The following SHROOM4 variants were observed in gnomAD, a reference collection of about 807,000 sequenced individuals.
The protein encoded by SHROOM4 is shroom family member 4.
SHROOM4 carries 17 observed loss-of-function variants against 80.3 expected under a neutral mutation model. The ratio of observed to expected loss-of-function variants is 0.21; its 90% confidence interval spans 0.14 to 0.32. SHROOM4 has a LOEUF of 0.32. Ranked by LOEUF, SHROOM4 falls within the 10% of genes least tolerant of loss-of-function variation. The pLI is 1.00. For synonymous variants in SHROOM4, 400 were observed against 437.5 expected, an observed-to-expected ratio of 0.91 and a Z score of 1.07; for missense variants, 993 against 1,140.3, an observed-to-expected ratio of 0.87 and a Z score of 1.86.
At chrX:50,620,175 T>C (rs1388460234) in intron 5 of SHROOM4, among the ~76,000 whole-genome samples, 1 of 112,225 alleles carries the variant, frequency 8.9e-6, no homozygotes, top group Non-Finnish European at 1.9e-5. Flanking sequence ...CAACTTGACA[T>C]GTACCTAAAG....
intron 5 of SHROOM4, among the ~76,000 whole-genome samples, chrX:50,609,414 G>T (rs1043775731): frequency 1.5e-4 from 17 of 110,723 alleles, no homozygotes; most frequent in Non-Finnish European, 2.5e-4. Flanking sequence ...TGGGGAAGGG[G>T]GTAAGTAAGG....
rs782246086 is a variant in SHROOM4 at position 50,593,715 on chromosome X, G to T, written c.*2980C>A. On this transcript the variant is annotated 3_prime_UTR_variant, in exon 9 of 9. Coordinates refer to ENST00000376020, the MANE Select transcript of SHROOM4 (RefSeq NM_020717.5). ...TGTCAGGGAGGGTCGGGTTCAGGAT[G>T]TGGCTCTGGTGTGCCTGGGCAGCTT... 7 of 112,622 alleles carry T rather than the reference G, an allele frequency of 6.2e-5. No homozygotes were observed. Among genetic ancestry groups the T allele is most frequent in the Admixed American group, 1.9e-4 (2 of 10,679 alleles). The allele number at this position is 112,622 out of a possible 1,213,427, so 9.3% of individuals were successfully genotyped here. A position where few individuals can be genotyped will look rare whatever the true frequency, so the allele number is the denominator to read the frequency against.
At position 50,598,263 on chromosome X, in the gene SHROOM4, T is replaced by C. The variant is rs781910213; in HGVS notation, c.4212+3A>G. ...ACCCACACCCCACAGACCCCAACTC[T>C]ACCTTCTCCTGGTTGGCCTCTGAAT... On this transcript the variant is annotated splice_donor_region_variant and intron_variant, in intron 8 of 8. Coordinates refer to ENST00000376020, the MANE Select transcript of SHROOM4 (RefSeq NM_020717.5). The C allele has an allele frequency of 8.3e-7, 1 of 1,209,219 alleles. No individual in the cohort carries two copies. The highest frequency in any genetic ancestry group is 1.1e-6 in the Non-Finnish European group (1 of 895,090).
intron 1 of SHROOM4, among the ~76,000 whole-genome samples, chrX:50,787,045 T>C (rs782719509): frequency 8.2e-5 from 9 of 109,777 alleles, no homozygotes; most frequent in African/African-American, 2.7e-4. Flanking sequence ...AGTAAGACCT[T>C]GTCTCTACAG....
intron 1 of SHROOM4, among the ~76,000 whole-genome samples, chrX:50,743,724 T>G (rs1439872247): frequency 1.8e-5 from 2 of 111,984 alleles, no homozygotes; most frequent in Non-Finnish European, 3.8e-5. Flanking sequence ...CCCAAAGTGC[T>G]GGGATTACAG....
chrX:50,582,375 G>A (rs1928682771), downstream of SHROOM4, among the ~76,000 whole-genome samples: 1 of 111,741 alleles, frequency 8.9e-6, no homozygotes, highest in African/African-American at 3.3e-5. Context: ...GTCATTTTAA[G>A]CCATTCAGTT....
intron 2 of SHROOM4, among the ~76,000 whole-genome samples, chrX:50,693,223 A>AAAAATGGACAGGGATGTAGGAAAAT (rs1933268244): frequency 9.0e-6 from 1 of 111,245 alleles, no homozygotes; most frequent in African/African-American, 3.3e-5. Context: ...CTGGTTTTTA[A>AAAAATGGACAGGGATGTAGGAAAAT]AAAATGGACA....
chrX:50,760,810 T>A (rs1191838150), intron 1 of SHROOM4, among the ~76,000 whole-genome samples: 1 of 111,732 alleles, frequency 8.9e-6, no homozygotes, highest in African/African-American at 3.3e-5. Flanking sequence ...TAGACCTCAG[T>A]TTTTTTATCC....
At chrX:50,737,314 T>G (rs1476641921) in intron 1 of SHROOM4, among the ~76,000 whole-genome samples, 1 of 110,683 alleles carries the variant, frequency 9.0e-6, no homozygotes, top group Non-Finnish European at 1.9e-5. Context: ...AACAAAGTAG[T>G]CATGACACAT....
chrX:50,602,250 C>T (rs1557247781), intron 7 of SHROOM4, among the ~76,000 whole-genome samples: 1 of 110,027 alleles, frequency 9.1e-6, no homozygotes, highest in Non-Finnish European at 1.9e-5. Flanking sequence ...CACCACCACG[C>T]CTGGCTAATT....
chrX:50,638,401 G>A lies in SHROOM4; in HGVS notation c.270-93C>T, dbSNP rs1447764284. On this transcript the variant is annotated intron_variant, in intron 2 of 8. Coordinates refer to ENST00000376020, the MANE Select transcript of SHROOM4 (RefSeq NM_020717.5). ...CCGCCCCACCCCCTCTTTTCCTTCA[G>A]TAAAGTAGAACATCTTGCAAGGAAC... The A allele has an allele frequency of 2.8e-6, 3 of 1,085,796 alleles. No individual in the cohort carries two copies. The African/African-American group carries it at 5.5e-5, about 20-fold the overall frequency. The allele number at this position is 1,085,796 out of a possible 1,213,427, so 89.5% of individuals were successfully genotyped here.
chrX:50,746,254 C>T (rs1312066669), intron 1 of SHROOM4, among the ~76,000 whole-genome samples: 1 of 111,590 alleles, frequency 9.0e-6, no homozygotes, highest in African/African-American at 3.3e-5. Flanking sequence ...TCTCTGTCCC[C>T]CTCCCTCTGG....
chrX:50,783,134 A>G (rs782532094), intron 1 of SHROOM4, among the ~76,000 whole-genome samples: 3 of 112,248 alleles, frequency 2.7e-5, no homozygotes, highest in Non-Finnish European at 5.6e-5. Context: ...AAGTGAAATC[A>G]TCTTTATTTG....
chrX:50,575,903 C>A, the SHROOM4 span, among the ~76,000 whole-genome samples: 1 of 112,166 alleles, frequency 8.9e-6, no homozygotes, highest in East Asian at 2.8e-4. Flanking sequence ...AACCTACTTT[C>A]ATTGTCTTTT....
At chrX:50,748,304 C>A (rs139345204) in intron 1 of SHROOM4, among the ~76,000 whole-genome samples, 3,487 of 111,062 alleles carry the variant, frequency 0.031, 58 homozygotes, top group Middle Eastern at 0.07. Flanking sequence ...GGATGCCTGG[C>A]ACTAGGGAGG....
At chrX:50,780,384 G>A (rs1335844231) in intron 1 of SHROOM4, among the ~76,000 whole-genome samples, 1 of 111,576 alleles carries the variant, frequency 9.0e-6, no homozygotes, top group Non-Finnish European at 1.9e-5. Context: ...AGAAACAAAG[G>A]TGAGTTCTAT....
chrX:50,749,595 C>T (rs1474369703), intron 1 of SHROOM4, among the ~76,000 whole-genome samples: 1 of 111,622 alleles, frequency 9.0e-6, no homozygotes, highest in Non-Finnish European at 1.9e-5. Context: ...GAGAATATAT[C>T]ATTTGAGCTA....
chrX:50,700,715 T>G (rs1043068352), intron 1 of SHROOM4, among the ~76,000 whole-genome samples: 1 of 111,909 alleles, frequency 8.9e-6, no homozygotes, highest in Non-Finnish European at 1.9e-5. Context: ...CGCTCTCAAA[T>G]TTCCGAAGCA....
chrX:50,667,954 T>A (rs1300332443), intron 2 of SHROOM4, among the ~76,000 whole-genome samples: 1 of 111,207 alleles, frequency 9.0e-6, no homozygotes, highest in Non-Finnish European at 1.9e-5. Context: ...TTTTAGATAA[T>A]AACTGCTCTA....
Sources: allele counts gnomAD v4.1 joint callset (sites outside exome capture counted in the v4.1 genomes callset), GRCh38; gene constraint gnomAD v4.1.1; transcripts MANE v1.5; gene names NCBI Gene and HGNC (gene_info 2026-07-23, HGNC 2026-07-21).